The following ASCC3 variants were observed in gnomAD, a reference collection of about 807,000 sequenced individuals.
ASCC3 encodes the protein activating signal cointegrator 1 complex subunit 3, also known as ASC-1 complex subunit P200.
ASCC3 carries 158 observed loss-of-function variants against 256.3 expected under a neutral mutation model. The observed-to-expected ratio is 0.62, with a 90% confidence interval of 0.54 to 0.70. ASCC3 has a LOEUF of 0.70. Ranked by LOEUF, ASCC3 falls within the 30% of genes least tolerant of loss-of-function variation. The probability of loss-of-function intolerance (pLI) is 0.00; values close to 1 mark genes in which losing one functional copy is unlikely to be tolerated. For synonymous variants in ASCC3, 948 were observed against 883.4 expected (o/e 1.07, Z -1.30); for missense variants, 2,259 against 2,626.0 (o/e 0.86, Z 3.05).
intron 22 of ASCC3, among the ~76,000 whole-genome samples, chr6:100,644,804 A>C (rs1450829056): frequency 6.6e-6 from 1 of 152,176 alleles, no homozygotes; most frequent in East Asian, 1.9e-4. Flanking sequence ...ACTGAAGAAA[A>C]GGTCTATGGT....
intron 36 of ASCC3, among the ~76,000 whole-genome samples, chr6:100,577,330 G>A (rs1400580026): frequency 6.6e-6 from 1 of 151,968 alleles, no homozygotes; most frequent in African/African-American, 2.4e-5. Flanking sequence ...AAAAGTTACT[G>A]TTTTCAAGAT....
chr6:100,723,889 T>TACACACACAC (rs1779480745), intron 11 of ASCC3, among the ~76,000 whole-genome samples: 1 of 136,664 alleles, frequency 7.3e-6, no homozygotes, highest in African/African-American at 2.7e-5. Flanking sequence ...TATATATATA[T>TACACACACAC]ATATATATTT....
At chr6:100,743,629 A>G (rs922732661) in intron 10 of ASCC3, among the ~76,000 whole-genome samples, 1 of 152,196 alleles carries the variant, frequency 6.6e-6, no homozygotes, top group Admixed American at 6.5e-5. Flanking sequence ...TATTTGTATA[A>G]ATAGTAATTT....
intron 36 of ASCC3, among the ~76,000 whole-genome samples, chr6:100,572,828 T>C (rs1770667077): frequency 6.6e-6 from 1 of 152,154 alleles, no homozygotes; most frequent in Non-Finnish European, 1.5e-5. Flanking sequence ...TATTTAATAC[T>C]TATAATTCTA....
intron 8 of ASCC3, among the ~76,000 whole-genome samples, chr6:100,789,880 A>G (rs1039741761): frequency 2.0e-5 from 3 of 151,984 alleles, no homozygotes; most frequent in Non-Finnish European, 4.4e-5. Flanking sequence ...GCTTATTTTC[A>G]TATAACTCTG....
chr6:100,797,844 C>CATA (rs1420750495), intron 8 of ASCC3, among the ~76,000 whole-genome samples: 64 of 152,112 alleles, frequency 4.2e-4, no homozygotes, highest in African/African-American at 1.4e-3. Context: ...AGAATAAAGG[C>CATA]ATAAAATGGA....
At position 100,512,930 on chromosome 6, in the gene ASCC3, G is replaced by C. The variant is rs115871372; in HGVS notation, c.6076-12C>G. ...AAGAAATTCCATGCCTAAATAAAAA[G>C]AGAAAAGAAACAATAAAGGAGGAGT... On this transcript the variant is annotated splice_polypyrimidine_tract_variant and intron_variant, in intron 39 of 41. Transcript: ENST00000369162. 1.6e-3 allele frequency: 2,619 copies of C among 1,609,146 alleles called. 47 individuals carry two copies. In the African/African-American group the frequency reaches 0.029, roughly 18 times the overall value.
chr6:100,857,291 T>C (rs530755164), intron 3 of ASCC3: 2 of 152,214 alleles, frequency 1.3e-5, no homozygotes, highest in East Asian at 3.9e-4. Context: ...GTATTTAACC[T>C]GGATAAAAGC....
chr6:100,571,465 A>G (rs1388215253), intron 36 of ASCC3, among the ~76,000 whole-genome samples: 3 of 152,178 alleles, frequency 2.0e-5, no homozygotes, highest in African/African-American at 7.2e-5. Context: ...CACTATAACT[A>G]TAAGGTCCAT....
At chr6:100,783,507 G>A (rs1782544096) in intron 8 of ASCC3, among the ~76,000 whole-genome samples, 1 of 152,112 alleles carries the variant, frequency 6.6e-6, no homozygotes, top group Admixed American at 6.6e-5. Context: ...CCAAGTGTCA[G>A]GCTTTGAGGA....
chr6:100,550,187 T>TGGA (rs1769218728), intron 36 of ASCC3, among the ~76,000 whole-genome samples: 1 of 151,940 alleles, frequency 6.6e-6, no homozygotes, highest in Non-Finnish European at 1.5e-5. Context: ...TTTATTCACA[T>TGGA]TTTATGTTTC....
intron 2 of ASCC3, 85 bp downstream of exon 2, chr6:100,867,823 T>G: frequency 8.4e-7 from 1 of 1,187,594 alleles, no homozygotes; most frequent in South Asian, 1.3e-5. Flanking sequence ...GTTAACCACA[T>G]AGAATGGAGA....
intron 16 of ASCC3, among the ~76,000 whole-genome samples, chr6:100,657,127 A>ATGTATAATT (rs1225195442): frequency 6.6e-6 from 1 of 151,270 alleles, no homozygotes; most frequent in African/African-American, 2.4e-5. Flanking sequence ...TTTCATTATA[A>ATGTATAATT]TGTATAATTT....
rs75013235 is a variant in ASCC3 at position 100,573,786 on chromosome 6, A to G, written c.5550+15848T>C. Among the ~76,000 whole-genome samples the G allele has an allele frequency of 0.012, 1,839 of 152,290 alleles. 84 individuals are homozygous for G. The East Asian group carries it at 0.14, about 12-fold the overall frequency. ...ATTTTGCCAAATAATTCCTAATAAG[A>G]TTCTCTGGAAAGTAAAATACCATGG... On this transcript the variant is annotated intron_variant, in intron 36 of 41. Coordinates refer to ENST00000369162, the MANE Select transcript of ASCC3 (RefSeq NM_006828.4).
At chr6:100,776,944 G>A (rs1343326941) in intron 8 of ASCC3, among the ~76,000 whole-genome samples, 1 of 151,716 alleles carries the variant, frequency 6.6e-6, no homozygotes, top group Admixed American at 6.6e-5. Flanking sequence ...TTTTTCTTCG[G>A]CTCCCTATAA....
At chr6:100,714,844 T>C (rs567098002) in intron 13 of ASCC3, among the ~76,000 whole-genome samples, 5 of 152,164 alleles carry the variant, frequency 3.3e-5, no homozygotes, top group African/African-American at 1.2e-4. Flanking sequence ...CAAATCATCT[T>C]TGATTTATTT....
rs1772923563 is a variant in ASCC3 at position 100,606,970 on chromosome 6, A to G, written c.4904T>C (p.Phe1635Ser). 3 of 1,613,512 alleles carry G rather than the reference A, an allele frequency of 1.9e-6. No homozygotes were observed. Among genetic ancestry groups the G allele is most frequent in the African/African-American group, 1.3e-5 (1 of 74,898 alleles). Residue 1635 changes from phenylalanine (F) to serine (S), a missense_variant, in exon 31 of 42, where the codon TTT becomes TCT. Transcript: ENST00000369162. ...AAGTACCTGAACTTTACAGTTTACA[A>G]ATAGTTCCTCTACTGTTTTTCGGTC... is the stretch of plus-strand genomic sequence containing the variant. ...ERDRKTVEEL[F>S]VNCKVQVLIA...
At chr6:100,808,527 T>A (rs1368269377) in intron 4 of ASCC3, among the ~76,000 whole-genome samples, 1 of 151,928 alleles carries the variant, frequency 6.6e-6, no homozygotes, top group Non-Finnish European at 1.5e-5. Context: ...CAAAAATATA[T>A]ATCATAGCAG....
intron 10 of ASCC3, among the ~76,000 whole-genome samples, chr6:100,730,748 A>C (rs1331826836): frequency 6.6e-6 from 1 of 152,218 alleles, no homozygotes; most frequent in East Asian, 1.9e-4. Flanking sequence ...CCATAATGGA[A>C]TCTGACAGCT....
Sources: allele counts gnomAD v4.1 joint callset (sites outside exome capture counted in the v4.1 genomes callset), GRCh38; gene constraint gnomAD v4.1.1; transcripts MANE v1.5; gene names NCBI Gene and HGNC (gene_info 2026-07-23, HGNC 2026-07-21).